The following PLEKHS1 variants were observed in gnomAD, a reference collection of about 807,000 sequenced individuals.
PLEKHS1 encodes pleckstrin homology domain containing S1.
In PLEKHS1, 55 loss-of-function variants were observed where a neutral mutation model predicts 51.0. That is an observed-to-expected ratio of 1.08 (90% CI 0.87 to 1.35). The LOEUF (loss-of-function observed/expected upper bound fraction) is 1.35, where lower values mean the gene tolerates loss of function less well. PLEKHS1 is among the 40% of genes most tolerant of loss of function. PLEKHS1 has a pLI of 0.00. For synonymous variants in PLEKHS1, 153 were observed against 144.8 expected (o/e 1.06, Z -0.41); for missense variants, 398 against 423.0 (o/e 0.94, Z 0.52).
rs1261825408 is a variant in PLEKHS1 at position 113,760,216 on chromosome 10, T to C, written c.28+4911T>C. On this transcript the variant is annotated intron_variant, in intron 2 of 11. Coordinates refer to ENST00000361048, the Ensembl canonical transcript of PLEKHS1. The stretch of plus-strand genomic sequence containing the variant: ...TTTGTTTCTTTTTATTCCCATATAG[T>C]ATTCCATTGTATAGATGTATCACAA... 2.6e-5 allele frequency among the ~76,000 whole-genome samples: 4 copies of C among 152,256 alleles called. 1 individual carries two copies. In the South Asian group the frequency reaches 6.2e-4, roughly 24 times the overall value.
chr10:113,755,729 G>A (rs985263070), intron 2 of PLEKHS1, among the ~76,000 whole-genome samples: 4 of 152,174 alleles, frequency 2.6e-5, no homozygotes, highest in African/African-American at 4.8e-5. Flanking sequence ...GGGATAATGG[G>A]TGGCATTCTG....
At chr10:113,772,446 T>A (rs1211944070) in intron 8 of PLEKHS1, among the ~76,000 whole-genome samples, 1 of 152,142 alleles carries the variant, frequency 6.6e-6, no homozygotes, top group African/African-American at 2.4e-5. Context: ...TCTGCATTCT[T>A]AGCAGAAAGA....
intron 2 of PLEKHS1, among the ~76,000 whole-genome samples, chr10:113,758,822 C>T (rs1305781080): frequency 6.6e-6 from 1 of 151,978 alleles, no homozygotes; most frequent in Non-Finnish European, 1.5e-5. Flanking sequence ...TTCATACTGT[C>T]CCAAAACAAT....
At chr10:113,758,404 A>G (rs1405186426) in intron 2 of PLEKHS1, among the ~76,000 whole-genome samples, 1 of 152,182 alleles carries the variant, frequency 6.6e-6, no homozygotes, top group Non-Finnish European at 1.5e-5. Flanking sequence ...GTGTATTGTC[A>G]ATGATCAGTA....
At chr10:113,761,167 G>T (rs373539149) in intron 2 of PLEKHS1, among the ~76,000 whole-genome samples, 1 of 152,100 alleles carries the variant, frequency 6.6e-6, no homozygotes, top group Non-Finnish European at 1.5e-5. Flanking sequence ...ATACCAAAAC[G>T]ACACTCTTGA....
At chr10:113,771,905 A>G in intron 7 of PLEKHS1, 65 bp from the exon 8 acceptor site, 1 of 1,543,490 alleles carries the variant, frequency 6.5e-7, no homozygotes, top group Non-Finnish European at 8.7e-7. Flanking sequence ...CTTTTCTAGA[A>G]TGCATGTGAT....
chr10:113,777,328 T>A (rs1346631388), intron 11 of PLEKHS1, 69 bp downstream of exon 12: 20 of 1,607,692 alleles, frequency 1.2e-5, no homozygotes, highest in East Asian at 4.5e-5. Flanking sequence ...GGGTCTTAGA[T>A]GGAGTCTGAG....
intron 2 of PLEKHS1, among the ~76,000 whole-genome samples, chr10:113,766,003 G>A (rs558020871): frequency 6.6e-6 from 1 of 152,316 alleles, no homozygotes; most frequent in East Asian, 1.9e-4. Flanking sequence ...AACTCTACCT[G>A]TCCCCCTTCC....
rs181241718 is a variant in PLEKHS1, at chr10:113,767,622, A to T, written c.359+143A>T. The T allele has an allele frequency of 8.6e-4, 774 of 896,932 alleles. 6 individuals carry two copies. In the African/African-American group the frequency reaches 0.012, roughly 14 times the overall value. The allele number at this position is 896,932 out of a possible 1,614,324, so 55.6% of individuals were successfully genotyped here. ...CATCTTGGCAATCTTAGTTATTTTT[A>T]AAAATATCTTGAAAAGTTACTGAGC... On this transcript the variant is annotated intron_variant, in intron 5 of 11. Transcript: ENST00000361048.
At chr10:113,762,849 C>T (rs918471915) in intron 2 of PLEKHS1, among the ~76,000 whole-genome samples, 3 of 151,900 alleles carry the variant, frequency 2.0e-5, no homozygotes, top group African/African-American at 7.2e-5. Flanking sequence ...GTTGTTCAAG[C>T]CTACTGTATT....
chr10:113,778,877 C>T (rs935650854), intron 11 of PLEKHS1, among the ~76,000 whole-genome samples: 3 of 152,092 alleles, frequency 2.0e-5, no homozygotes, highest in African/African-American at 4.8e-5. Context: ...GTGATCCGCC[C>T]GCCTCGGCCT....
At chr10:113,755,270 C>G (rs780737262) in exon 2 of PLEKHS1, 1 of 1,607,968 alleles carries the variant, frequency 6.2e-7, no homozygotes, top group Non-Finnish European at 8.5e-7. Flanking sequence ...GGAGGACACA[C>G]AGCCATCATG....
intron 5 of PLEKHS1, among the ~76,000 whole-genome samples, chr10:113,768,562 C>T (rs1844261422): frequency 6.6e-6 from 1 of 152,232 alleles, no homozygotes; most frequent in Admixed American, 6.5e-5. Flanking sequence ...CCGAAAGCCC[C>T]AAACCCTGTG....
exon 8 of PLEKHS1, chr10:113,772,053 G>A (rs1564824673): frequency 6.2e-7 from 1 of 1,613,714 alleles, no homozygotes; most frequent in African/African-American, 1.3e-5. Flanking sequence ...TGAAGGAAGA[G>A]AATCATTATC....
At chr10:113,755,354 G>T (rs761575986) in intron 2 of PLEKHS1, 49 bp downstream of exon 2, 10 of 1,589,974 alleles carry the variant, frequency 6.3e-6, no homozygotes, top group Middle Eastern at 1.7e-4. Context: ...TATTGAAAAT[G>T]CCCCACGGTT....
intron 10 of PLEKHS1, among the ~76,000 whole-genome samples, 181 bp from the exon 11 acceptor site, chr10:113,775,584 G>T (rs73361862): frequency 1.3e-5 from 2 of 152,030 alleles, no homozygotes; most frequent in Admixed American, 6.6e-5. Flanking sequence ...CCTACCATCC[G>T]CTACCACATC....
At chr10:113,763,728 A>G (rs77445109) in intron 2 of PLEKHS1, among the ~76,000 whole-genome samples, 2,507 of 152,208 alleles carry the variant, frequency 0.016, 72 homozygotes, top group African/African-American at 0.056. Context: ...ATTTTTCCCT[A>G]TTGGCCTTTA....
chr10:113,766,448 C>T, exon 3 of PLEKHS1: 1 of 1,600,274 alleles, frequency 6.2e-7, no homozygotes. Context: ...ATGAAGTCTG[C>T]AAACAAGATT....
intron 11 of PLEKHS1, among the ~76,000 whole-genome samples, chr10:113,780,191 TG>T (rs1378815269): frequency 2.6e-5 from 4 of 151,996 alleles, no homozygotes; most frequent in South Asian, 4.2e-4. Context: ...GGAGAAGGTG[TG>T]TGCAGGGGAA....
Sources: gnomAD v4.1 joint callset for allele counts (sites outside exome capture counted in the v4.1 genomes callset) on GRCh38, gnomAD v4.1.1 for gene constraint, MANE v1.5 for transcripts, NCBI Gene and HGNC (gene_info 2026-07-23, HGNC 2026-07-21) for gene names.